INPP5A: variants seen among roughly 807,000 people sequenced by gnomAD.
INPP5A encodes the protein 43 kDa inositol polyphosphate 5-phophatase.
A neutral mutation model predicts 65.2 loss-of-function variants in INPP5A; 14 were observed. The observed-to-expected ratio is 0.21, with a 90% CI of 0.14 to 0.34. The LOEUF is 0.34. Ranked by LOEUF, INPP5A falls within the 10% of genes least tolerant of loss-of-function variation. The pLI is 1.00. For missense variants in INPP5A, 431 were observed against 545.6 expected, an observed-to-expected ratio of 0.79 and a Z score of 2.09; for synonymous variants, 207 against 208.3, an observed-to-expected ratio of 0.99 and a Z score of 0.05.
intron 2 of INPP5A, among the ~76,000 whole-genome samples, chr10:132,638,317 C>T (rs970880283): frequency 3.9e-5 from 6 of 152,206 alleles, no homozygotes; most frequent in Non-Finnish European, 7.3e-5. Flanking sequence ...AACCCACGCT[C>T]GGATGTGCTG....
intron 1 of INPP5A, among the ~76,000 whole-genome samples, chr10:132,589,212 G>A (rs1254615129): frequency 2.6e-5 from 4 of 152,222 alleles, no homozygotes; most frequent in South Asian, 2.1e-4. Context: ...CTGACCAGGC[G>A]TTCACTCTGC....
intron 1 of INPP5A, among the ~76,000 whole-genome samples, chr10:132,541,545 C>T (rs187044865): frequency 1.3e-5 from 2 of 152,286 alleles, no homozygotes; most frequent in Admixed American, 6.5e-5. Context: ...TATGGAGGAC[C>T]CGAAAGAGTT....
At chr10:132,693,843 G>A (rs1845305875) in intron 5 of INPP5A, among the ~76,000 whole-genome samples, 1 of 152,124 alleles carries the variant, frequency 6.6e-6, no homozygotes, top group Admixed American at 6.5e-5. Flanking sequence ...ACAATCCTTA[G>A]TATCTAGCTG....
At chr10:132,680,116 A>G (rs1443108238) in intron 4 of INPP5A, among the ~76,000 whole-genome samples, 1 of 152,244 alleles carries the variant, frequency 6.6e-6, no homozygotes, top group Non-Finnish European at 1.5e-5. Context: ...CTGCATTAAA[A>G]CACAACCACT....
intron 11 of INPP5A, among the ~76,000 whole-genome samples, chr10:132,765,246 G>A (rs1378887726): frequency 6.6e-6 from 1 of 152,182 alleles, no homozygotes; most frequent in East Asian, 1.9e-4. Flanking sequence ...AGTCTCAGGG[G>A]GCAAGGCCAT....
At chr10:132,745,981 TCGCCTACCC>T (rs1468778237) in intron 9 of INPP5A, among the ~76,000 whole-genome samples, 1 of 146,016 alleles carries the variant, frequency 6.8e-6, no homozygotes, top group Non-Finnish European at 1.6e-5. Context: ...CCACCCAGCC[TCGCCTACCC>T]TGCCTACCCT....
Position 132,711,709 on chromosome 10 carries a change from C to T in INPP5A, c.647+1253C>T, listed in dbSNP as rs367605698. On this transcript the variant is annotated intron_variant, in intron 8 of 15. Coordinates refer to ENST00000368594, the MANE Select transcript of INPP5A (RefSeq NM_005539.5). ...GACGCCGACCTTCTGTTCCCGGGGC[C>T]GGTTCTCTCCCACCCACACCTGTCT... is the stretch of plus-strand genomic sequence containing the variant. Among the ~76,000 whole-genome samples, 288 of 152,348 alleles carry T rather than the reference C, an allele frequency of 1.9e-3. 1 individual carries two copies. The highest frequency in any genetic ancestry group is 3.2e-3 in the Non-Finnish European group (220 of 68,032).
At chr10:132,670,175 ACCTGACCCCACACCC>A (rs1279935616) in intron 4 of INPP5A, among the ~76,000 whole-genome samples, 7 of 102,398 alleles carry the variant, frequency 6.8e-5, no homozygotes, top group East Asian at 3.0e-4. Flanking sequence ...CAGAACCTGC[ACCTGACCCCACACCC>A]CCTGACCCCA....
intron 1 of INPP5A, among the ~76,000 whole-genome samples, chr10:132,592,396 G>A (rs1014167279): frequency 1.4e-5 from 2 of 147,550 alleles, no homozygotes; most frequent in African/African-American, 4.9e-5. Context: ...AATCTAAGTG[G>A]GGCAAAAATG....
chr10:132,780,754 C>T (rs1847146206), intron 13 of INPP5A, 95 bp from the exon 14 acceptor site: 2 of 988,798 alleles, frequency 2.0e-6, no homozygotes, highest in Admixed American at 1.7e-5. Context: ...CATCTCTCTG[C>T]CCCCACAAAA....
chr10:132,710,119 G>A (rs1164939033), intron 7 of INPP5A, among the ~76,000 whole-genome samples: 1 of 152,270 alleles, frequency 6.6e-6, no homozygotes, highest in African/African-American at 2.4e-5. Context: ...GTTGCCCAGA[G>A]TAACTGCATT....
intron 8 of INPP5A, among the ~76,000 whole-genome samples, chr10:132,725,814 G>T (rs911483149): frequency 6.6e-6 from 1 of 152,236 alleles, no homozygotes; most frequent in African/African-American, 2.4e-5. Flanking sequence ...GCCTGCCCCT[G>T]CCCTGGCAGC....
chr10:132,732,608 C>T (rs943031329), intron 9 of INPP5A, among the ~76,000 whole-genome samples: 6 of 152,220 alleles, frequency 3.9e-5, no homozygotes, highest in African/African-American at 1.2e-4. Context: ...AAGCTGAGCA[C>T]CTGGATCCCA....
In INPP5A at chr10:132,699,018, G is replaced by A. The variant is rs150958175; in HGVS notation, c.474+1099G>A. On this transcript the variant is annotated intron_variant, in intron 6 of 15. Transcript: ENST00000368594. ...CGCCGTGTCAGTGGGCCAGCCTCCTGTCCTCGGTCCTGCTTCCGGCACCGC... is the reference window on the plus strand; with the variant it reads ...CGCCGTGTCAGTGGGCCAGCCTCCTATCCTCGGTCCTGCTTCCGGCACCGC... Among the ~76,000 whole-genome samples, 1,076 of 152,356 alleles carry A rather than the reference G, an allele frequency of 7.1e-3. 6 individuals carry two copies. Among genetic ancestry groups the A allele is most frequent in the Middle Eastern group, 0.024 (7 of 294 alleles).
At chr10:132,645,382 A>G (rs911901850) in intron 2 of INPP5A, among the ~76,000 whole-genome samples, 2 of 152,310 alleles carry the variant, frequency 1.3e-5, no homozygotes, top group South Asian at 4.1e-4. Context: ...ACACATGCAT[A>G]CACAGGCACA....
At chr10:132,664,631 C>G (rs998202856) in intron 4 of INPP5A, among the ~76,000 whole-genome samples, 7 of 152,240 alleles carry the variant, frequency 4.6e-5, no homozygotes, top group African/African-American at 1.4e-4. Context: ...AGTGCGCTCT[C>G]TCACAGCCAC....
intron 2 of INPP5A, among the ~76,000 whole-genome samples, chr10:132,609,373 CACGTCGGGGGCCA>C (rs1287791908): frequency 6.6e-6 from 1 of 152,186 alleles, no homozygotes; most frequent in East Asian, 1.9e-4. Context: ...ATGTCAACCG[CACGTCGGGGGCCA>C]GTGGCGGGGG....
chr10:132,773,249 A>G (rs1485305709), intron 12 of INPP5A, among the ~76,000 whole-genome samples: 1 of 152,248 alleles, frequency 6.6e-6, no homozygotes, highest in East Asian at 1.9e-4. Flanking sequence ...CAAAGTTTTT[A>G]TCATACGCAG....
intron 1 of INPP5A, among the ~76,000 whole-genome samples, chr10:132,567,743 C>T (rs989510667): frequency 1.3e-5 from 2 of 152,136 alleles, no homozygotes; most frequent in Non-Finnish European, 2.9e-5. Flanking sequence ...CTTTTTATTC[C>T]AATATCTGGT....
Sources: allele counts gnomAD v4.1 joint callset (sites outside exome capture counted in the v4.1 genomes callset), GRCh38; gene constraint gnomAD v4.1.1; transcripts MANE v1.5; gene names NCBI Gene and HGNC (gene_info 2026-07-23, HGNC 2026-07-21).